RBFOX1: variants seen among roughly 807,000 people sequenced by gnomAD.
RBFOX1 encodes RNA binding fox-1 homolog 1, also known as RNA binding protein fox-1 homolog 1.
In RBFOX1, 8 loss-of-function variants were observed where a neutral mutation model predicts 57.7. The ratio of observed to expected loss-of-function variants is 0.14; its 90% CI spans 0.08 to 0.25. RBFOX1 has a LOEUF of 0.25. RBFOX1 is among the 10% of genes least tolerant of loss of function. RBFOX1 has a pLI of 1.00. For synonymous variants in RBFOX1, 326 were observed against 222.4 expected (o/e 1.47, Z -4.15); for missense variants, 611 against 548.5 (o/e 1.11, Z -1.14).
At chr16:5,288,962 TA>T (rs1331564467) in intron 1 of RBFOX1, among the ~76,000 whole-genome samples, 1 of 151,808 alleles carries the variant, frequency 6.6e-6, no homozygotes, top group Non-Finnish European at 1.5e-5. Flanking sequence ...CTGTCTATAC[TA>T]AAATAAAAAA....
At chr16:6,886,354 G>T (rs761480774) in intron 3 of RBFOX1, among the ~76,000 whole-genome samples, 31 of 152,076 alleles carry the variant, frequency 2.0e-4, no homozygotes, top group South Asian at 4.2e-4. Context: ...GAGTCACTGC[G>T]CCCGGCCCAG....
intron 1 of RBFOX1, among the ~76,000 whole-genome samples, chr16:6,213,419 T>A (rs116533883): frequency 0.031 from 4,666 of 152,198 alleles, 233 homozygotes; most frequent in African/African-American, 0.1. Context: ...CTGGGCTGAT[T>A]TACAACCGGC....
intron 11 of RBFOX1, among the ~76,000 whole-genome samples, chr16:7,652,489 C>T (rs181576006): frequency 1.1e-4 from 16 of 152,312 alleles, no homozygotes; most frequent in Admixed American, 9.8e-4. Flanking sequence ...CTCACTGCAA[C>T]CTCCACCTCC....
intron 3 of RBFOX1, among the ~76,000 whole-genome samples, chr16:5,749,384 C>T (rs922770204): frequency 1.2e-4 from 19 of 152,210 alleles, no homozygotes; most frequent in African/African-American, 4.3e-4. Flanking sequence ...GTGGCATTCT[C>T]TGTATTTCCT....
intron 4 of RBFOX1, among the ~76,000 whole-genome samples, chr16:5,984,494 T>C (rs1384668190): frequency 6.6e-6 from 1 of 152,030 alleles, no homozygotes; most frequent in African/African-American, 2.4e-5. Flanking sequence ...TCCTGAGCAT[T>C]GTCTGTGTGG....
intron 1 of RBFOX1, among the ~76,000 whole-genome samples, chr16:5,386,410 C>T (rs1240109358): frequency 2.6e-5 from 4 of 152,120 alleles, no homozygotes; most frequent in Admixed American, 2.6e-4. Context: ...GGCCCATCCT[C>T]ACTGCTGAGC....
chr16:7,313,030 G>C (rs892023425), intron 4 of RBFOX1, among the ~76,000 whole-genome samples: 2 of 152,120 alleles, frequency 1.3e-5, no homozygotes, highest in Non-Finnish European at 2.9e-5. Context: ...TGTTGTAGGA[G>C]AGGCAGCGTG....
chr16:7,461,875 T>A (rs1422501945), intron 4 of RBFOX1, among the ~76,000 whole-genome samples: 1 of 152,170 alleles, frequency 6.6e-6, no homozygotes, highest in Non-Finnish European at 1.5e-5. Flanking sequence ...GTGAGAGCCC[T>A]CAGTATCAGA....
chr16:5,770,733 T>C (rs1597182412), intron 3 of RBFOX1, among the ~76,000 whole-genome samples: 1 of 152,168 alleles, frequency 6.6e-6, no homozygotes, highest in African/African-American at 2.4e-5. Context: ...TCAAACTGAT[T>C]TATTCCACTG....
In RBFOX1 at chr16:5,414,579, G is replaced by T. The variant is rs551239010; in HGVS notation, c.220-52637G>T. Among the ~76,000 whole-genome samples, 5 of 152,140 alleles carry T rather than the reference G, an allele frequency of 3.3e-5. 1 individual carries two copies. The highest frequency in any genetic ancestry group is 7.3e-5 in the Non-Finnish European group (5 of 68,038). ...TCATCATTGCTTCATAGGCATCGTG[G>T]GTTGGTGTCCAGCTTCCAGAAAGCT... On this transcript the variant is annotated intron_variant, in intron 1 of 2. Coordinates refer to the RBFOX1 transcript ENST00000585867.
chr16:7,570,871 G>C (rs2092701789), intron 5 of RBFOX1, among the ~76,000 whole-genome samples: 1 of 152,268 alleles, frequency 6.6e-6, no homozygotes, highest in South Asian at 2.1e-4. Context: ...AGAAAATGTG[G>C]TACATATACA....
intron 3 of RBFOX1, among the ~76,000 whole-genome samples, chr16:6,814,134 C>G (rs1421634397): frequency 6.6e-6 from 1 of 152,040 alleles, no homozygotes; most frequent in African/African-American, 2.4e-5. Context: ...TTATTTAAAA[C>G]TCCTAGAACA....
At chr16:6,431,920 T>TCTTC (rs2094108133) in intron 2 of RBFOX1, among the ~76,000 whole-genome samples, 1 of 108,846 alleles carries the variant, frequency 9.2e-6, no homozygotes, top group Non-Finnish European at 2.3e-5. Flanking sequence ...TTTCTTTCTT[T>TCTTC]CTTTCTTTCT....
chr16:7,112,751 C>T (rs2065074422), intron 4 of RBFOX1, among the ~76,000 whole-genome samples: 1 of 150,814 alleles, frequency 6.6e-6, no homozygotes, highest in African/African-American at 2.4e-5. Context: ...CCTTGATTCA[C>T]AAGACTCAGG....
intron 2 of RBFOX1, among the ~76,000 whole-genome samples, chr16:6,586,351 A>G (rs1034566316): frequency 6.6e-6 from 1 of 152,232 alleles, no homozygotes; most frequent in Non-Finnish European, 1.5e-5. Flanking sequence ...CAAAATGAGC[A>G]AAACCAGCAG....
At chr16:7,095,052 G>A (rs1464838081) in intron 4 of RBFOX1, among the ~76,000 whole-genome samples, 2 of 152,070 alleles carry the variant, frequency 1.3e-5, no homozygotes, top group East Asian at 3.9e-4. Flanking sequence ...TTGCAAATCT[G>A]TCTATATTTT....
At chr16:6,335,048 C>G (rs1267512493) in intron 2 of RBFOX1, among the ~76,000 whole-genome samples, 2 of 152,214 alleles carry the variant, frequency 1.3e-5, no homozygotes, top group Non-Finnish European at 1.5e-5. Flanking sequence ...GTATTTCTAA[C>G]TAAATCCCCT....
intron 1 of RBFOX1, among the ~76,000 whole-genome samples, chr16:6,075,844 C>T (rs2095891416): frequency 6.6e-6 from 1 of 152,208 alleles, no homozygotes; most frequent in African/African-American, 2.4e-5. Flanking sequence ...ATAATAACCA[C>T]TGTTTATTCT....
chr16:5,626,535 GTTCA>G (rs1343541816), intron 3 of RBFOX1, among the ~76,000 whole-genome samples: 3 of 152,120 alleles, frequency 2.0e-5, no homozygotes, highest in African/African-American at 7.2e-5. Flanking sequence ...GCGGAACACA[GTTCA>G]GCCCGTAGTG....
Sources: allele counts gnomAD v4.1 joint callset (sites outside exome capture counted in the v4.1 genomes callset), GRCh38; gene constraint gnomAD v4.1.1; transcripts MANE v1.5; gene names NCBI Gene and HGNC (gene_info 2026-07-23, HGNC 2026-07-21).